The following NRG1 variants were observed in gnomAD, a reference collection of about 807,000 sequenced individuals.
The protein encoded by NRG1 is pro-neuregulin-1, membrane-bound isoform.
Under a neutral mutation model 63.8 loss-of-function variants are expected in NRG1, and 18 were observed. The ratio of observed to expected loss-of-function variants is 0.28; its 90% CI spans 0.19 to 0.42. NRG1 has a LOEUF of 0.42. Among genes scored for constraint, NRG1 ranks in the 10% least tolerant of loss-of-function variants. NRG1 has a pLI of 1.00. For missense variants in NRG1, 762 were observed against 814.7 expected, an observed-to-expected ratio of 0.94 and a Z score of 0.79; for synonymous variants, 302 against 301.3, an observed-to-expected ratio of 1.00 and a Z score of -0.02.
chr8:32,764,328 C>T (rs746185045), exon 12 of NRG1: 35 of 1,613,606 alleles, frequency 2.2e-5, no homozygotes, highest in East Asian at 2.0e-4. Flanking sequence ...CCCAGCAGGC[C>T]GCTTCTCGAC....
chr8:32,201,137 C>T (rs1354830559), intron 1 of NRG1, among the ~76,000 whole-genome samples: 5 of 152,318 alleles, frequency 3.3e-5, no homozygotes, highest in South Asian at 4.1e-4. Flanking sequence ...CAATCAGCTG[C>T]TGCTCATCCA....
chr8:31,720,099 T>C (rs1380829800), intron 1 of NRG1, among the ~76,000 whole-genome samples: 1 of 152,182 alleles, frequency 6.6e-6, no homozygotes, highest in African/African-American at 2.4e-5. Flanking sequence ...TTATTCCTTC[T>C]GGATTTTAAT....
At chr8:32,446,445 A>G (rs950615624) in intron 1 of NRG1, among the ~76,000 whole-genome samples, 8 of 152,170 alleles carry the variant, frequency 5.3e-5, no homozygotes, top group Non-Finnish European at 1.2e-4. Context: ...ACTTGAGACC[A>G]GGAGTTTGAG....
chr8:31,733,196 A>AT (rs139957013), intron 1 of NRG1, among the ~76,000 whole-genome samples: 12,781 of 143,784 alleles, frequency 0.089, 1,803 homozygotes, highest in African/African-American at 0.3. Flanking sequence ...TACCTATTAC[A>AT]TTTTTTTTTC....
intron 1 of NRG1, among the ~76,000 whole-genome samples, chr8:32,414,930 T>C (rs1156551465): frequency 1.3e-5 from 2 of 152,144 alleles, no homozygotes; most frequent in Non-Finnish European, 2.9e-5. Flanking sequence ...CTTAGTAGTG[T>C]ACAGTGCGAA....
intron 1 of NRG1, among the ~76,000 whole-genome samples, chr8:32,575,172 A>G (rs1158106254): frequency 6.6e-6 from 1 of 152,092 alleles, no homozygotes; most frequent in Admixed American, 6.6e-5. Context: ...TAGTGTCCAT[A>G]CTGGTTGGAC....
In NRG1 at chr8:31,686,912, C is replaced by T. The variant is rs534297634; in HGVS notation, c.37+47481C>T. ...CCTTCTGAGTAGCTGGGATTATAGG[C>T]GCCCACCACTACACCTGGCTATTTT... On this transcript the variant is annotated intron_variant, in intron 1 of 10. Coordinates refer to the NRG1 transcript ENST00000519301. Among the ~76,000 whole-genome samples the T allele has an allele frequency of 1.6e-3, 240 of 151,994 alleles. 2 individuals are homozygous for T. Among genetic ancestry groups the T allele is most frequent in the African/African-American group, 5.3e-3 (221 of 41,456 alleles).
intron 1 of NRG1, among the ~76,000 whole-genome samples, chr8:31,954,245 A>G (rs948669911): frequency 6.6e-6 from 1 of 152,182 alleles, no homozygotes; most frequent in African/African-American, 2.4e-5. Flanking sequence ...ACCCCCATTT[A>G]GAGGTGAAGA....
chr8:32,772,254 G>T (rs1423713090), downstream of NRG1, among the ~76,000 whole-genome samples: 1 of 150,590 alleles, frequency 6.6e-6, no homozygotes, highest in Non-Finnish European at 1.5e-5. Context: ...TTCTCATCCT[G>T]GGTATGAAGC....
intron 1 of NRG1, among the ~76,000 whole-genome samples, chr8:32,116,030 T>C (rs1832669318): frequency 6.6e-6 from 1 of 152,140 alleles, no homozygotes; most frequent in Non-Finnish European, 1.5e-5. Context: ...TAGTGCCACC[T>C]CCCATTTAGA....
chr8:32,548,156 C>T (rs36213231), upstream of NRG1: 184 of 924,968 alleles, frequency 2.0e-4, no homozygotes, highest in Non-Finnish European at 2.2e-4. Context: ...AGGCTCCTCC[C>T]GGTGGCGTGT....
intron 1 of NRG1, among the ~76,000 whole-genome samples, chr8:32,121,926 G>A (rs546375921): frequency 6.6e-6 from 1 of 152,090 alleles, no homozygotes; most frequent in South Asian, 2.1e-4. Flanking sequence ...ACAATTCAAG[G>A]TGCATTAAAA....
intron 1 of NRG1, among the ~76,000 whole-genome samples, chr8:31,966,570 G>A (rs327413): frequency 0.85 from 129,209 of 152,220 alleles, 55,724 homozygotes; most frequent in African/African-American, 0.96. Context: ...TATTATCCCT[G>A]ATTACAATTT....
intron 1 of NRG1, among the ~76,000 whole-genome samples, chr8:31,840,406 A>G (rs1826088710): frequency 1.5e-5 from 2 of 132,980 alleles, no homozygotes; most frequent in South Asian, 5.0e-4. Context: ...TTCTTCCAAG[A>G]AAATAAAAAT....
intron 1 of NRG1, among the ~76,000 whole-genome samples, chr8:32,223,189 C>G (rs74816861): frequency 6.6e-6 from 1 of 152,124 alleles, no homozygotes; most frequent in Non-Finnish European, 1.5e-5. Flanking sequence ...AATTACTAGA[C>G]AAGATATAAA....
At chr8:31,727,939 T>C (rs1380858999) in intron 1 of NRG1, among the ~76,000 whole-genome samples, 1 of 152,156 alleles carries the variant, frequency 6.6e-6, no homozygotes, top group Non-Finnish European at 1.5e-5. Flanking sequence ...GATATTGTGA[T>C]AACGCAGACA....
intron 1 of NRG1, among the ~76,000 whole-genome samples, chr8:32,175,975 A>G (rs1840681869): frequency 6.6e-6 from 1 of 152,190 alleles, no homozygotes; most frequent in Non-Finnish European, 1.5e-5. Context: ...AGAATTGGAA[A>G]AAACTACTTT....
chr8:32,578,387 G>A (rs1840045019), intron 1 of NRG1, among the ~76,000 whole-genome samples: 1 of 151,964 alleles, frequency 6.6e-6, no homozygotes, highest in South Asian at 2.1e-4. Context: ...AATTGTTCAT[G>A]TGCTGATATC....
At chr8:31,639,421 T>G in exon 1 of NRG1, 1 of 1,534,824 alleles carries the variant, frequency 6.5e-7, no homozygotes, top group Non-Finnish European at 8.7e-7. Context: ...CGGGCCGAGT[T>G]GGCACCACAG....
Sources: allele counts gnomAD v4.1 joint callset (sites outside exome capture counted in the v4.1 genomes callset), GRCh38; gene constraint gnomAD v4.1.1; transcripts MANE v1.5; gene names NCBI Gene and HGNC (gene_info 2026-07-23, HGNC 2026-07-21).